Variants in ALCAM observed in about 807,000 individuals in gnomAD.
ALCAM encodes the protein CD166 antigen.
In ALCAM, 30 loss-of-function variants were observed where a neutral mutation model predicts 70.9. The ratio of observed to expected loss-of-function variants is 0.42; its 90% CI spans 0.32 to 0.57. The LOEUF (loss-of-function observed/expected upper bound fraction) is 0.57, where lower values mean the gene tolerates loss of function less well. Among genes scored for constraint, ALCAM ranks in the 20% least tolerant of loss-of-function variants. The pLI, the probability that ALCAM is intolerant of heterozygous loss-of-function variation, is 0.11. For synonymous variants in ALCAM, 249 were observed against 242.5 expected (o/e 1.03, Z -0.25); for missense variants, 591 against 695.1 (o/e 0.85, Z 1.68).
chr3:105,472,316 T>G (rs1937958072), intron 1 of ALCAM, among the ~76,000 whole-genome samples: 1 of 151,506 alleles, frequency 6.6e-6, no homozygotes, highest in South Asian at 2.1e-4. Flanking sequence ...TGAGAAGAAT[T>G]CATTTCCCTA....
At chr3:105,402,000 G>GA (rs1207686957) in intron 1 of ALCAM, among the ~76,000 whole-genome samples, 1 of 151,396 alleles carries the variant, frequency 6.6e-6, no homozygotes, top group East Asian at 2.0e-4. Flanking sequence ...AAACAGAGAA[G>GA]AAAAATAGCA....
At chr3:105,443,988 G>A (rs954466539) in intron 1 of ALCAM, among the ~76,000 whole-genome samples, 1 of 152,130 alleles carries the variant, frequency 6.6e-6, no homozygotes, top group African/African-American at 2.4e-5. Context: ...TATAAGTGCT[G>A]AACTTGTGTT....
intron 1 of ALCAM, among the ~76,000 whole-genome samples, chr3:105,514,220 C>G (rs1939321216): frequency 1.3e-5 from 2 of 151,924 alleles, no homozygotes; most frequent in Admixed American, 1.3e-4. Flanking sequence ...ACAAAGCACA[C>G]CTAAAACTTG....
At chr3:105,505,034 C>G (rs923117238) in intron 1 of ALCAM, among the ~76,000 whole-genome samples, 1 of 152,190 alleles carries the variant, frequency 6.6e-6, no homozygotes, top group Non-Finnish European at 1.5e-5. Flanking sequence ...AGTAGCAGAG[C>G]TGGATTCATC....
chr3:105,449,828 G>A (rs1188311494), intron 1 of ALCAM, among the ~76,000 whole-genome samples: 1 of 152,054 alleles, frequency 6.6e-6, no homozygotes, highest in Non-Finnish European at 1.5e-5. Flanking sequence ...AATAGAGGGG[G>A]AAAACCACCA....
At chr3:105,376,056 T>C (rs1003180502) in intron 1 of ALCAM, among the ~76,000 whole-genome samples, 8 of 152,108 alleles carry the variant, frequency 5.3e-5, no homozygotes, top group Non-Finnish European at 1.0e-4. Flanking sequence ...AGTTAAATTA[T>C]GGAAAGTTCA....
chr3:105,531,566 C>T (rs1486740399), intron 3 of ALCAM, among the ~76,000 whole-genome samples: 1 of 151,586 alleles, frequency 6.6e-6, no homozygotes, highest in Non-Finnish European at 1.5e-5. Context: ...CCAAATAGGG[C>T]TCAGAAATCT....
At position 105,547,530 on chromosome 3, in the gene ALCAM, ATT is replaced by A; in HGVS notation, c.1374+9_1374+10del. On this transcript the variant is annotated splice_region_variant and intron_variant, in intron 11 of 15. Transcript: ENST00000306107. ...TGGAAGCGTCATAAACCAAGCAAGT[ATT>A]TGTCTTCTTGTTATATGCTGCACTT... 6.2e-7 allele frequency: 1 copy of A among 1,605,352 alleles called. No homozygotes were observed.
chr3:105,493,570 G>A (rs897427235), intron 1 of ALCAM, among the ~76,000 whole-genome samples: 5 of 152,098 alleles, frequency 3.3e-5, no homozygotes, highest in African/African-American at 7.2e-5. Context: ...TGAGGAAGAC[G>A]TAGATACAGT....
At chr3:105,542,373 G>A (rs192894709) in intron 8 of ALCAM, among the ~76,000 whole-genome samples, 68 of 151,642 alleles carry the variant, frequency 4.5e-4, no homozygotes, top group Non-Finnish European at 4.6e-4. Flanking sequence ...TATTTGCCTC[G>A]GTGTAACAGA....
intron 1 of ALCAM, among the ~76,000 whole-genome samples, chr3:105,392,678 G>A (rs1935854150): frequency 6.6e-6 from 1 of 151,688 alleles, no homozygotes; most frequent in Middle Eastern, 3.4e-3. Context: ...TTAGGTTTAT[G>A]ATTTGAGATC....
chr3:105,401,734 C>A (rs1482248039), intron 1 of ALCAM, among the ~76,000 whole-genome samples: 1 of 151,944 alleles, frequency 6.6e-6, no homozygotes, highest in Non-Finnish European at 1.5e-5. Flanking sequence ...CTTTTAATGA[C>A]CCCGTCTTTC....
At chr3:105,572,326 ATGCAATGT>A (rs1165151674) in intron 15 of ALCAM, among the ~76,000 whole-genome samples, 2 of 152,036 alleles carry the variant, frequency 1.3e-5, no homozygotes, top group Admixed American at 1.3e-4. Context: ...GAGTGAAAAC[ATGCAATGT>A]TGAGTTTTCT....
intron 1 of ALCAM, among the ~76,000 whole-genome samples, chr3:105,482,544 C>G (rs554015406): frequency 6.6e-6 from 1 of 151,986 alleles, no homozygotes. Flanking sequence ...CATTTCAGAA[C>G]AAATAAATTA....
chr3:105,496,284 C>A (rs1332400805), intron 1 of ALCAM, among the ~76,000 whole-genome samples: 1 of 151,540 alleles, frequency 6.6e-6, no homozygotes, highest in Non-Finnish European at 1.5e-5. Context: ...CTTAATATAT[C>A]TTTGTTATAT....
intron 1 of ALCAM, among the ~76,000 whole-genome samples, chr3:105,427,259 G>A (rs73856584): frequency 1.4e-3 from 215 of 151,974 alleles, no homozygotes; most frequent in African/African-American, 4.9e-3. Flanking sequence ...TTTTAGGAAA[G>A]GACTCTCATT....
intron 1 of ALCAM, among the ~76,000 whole-genome samples, chr3:105,437,167 T>C (rs934911393): frequency 1.3e-5 from 2 of 152,210 alleles, no homozygotes; most frequent in African/African-American, 4.8e-5. Context: ...ATTCAAATAT[T>C]AGGTCTAAGA....
intron 14 of ALCAM, among the ~76,000 whole-genome samples, chr3:105,556,830 G>A (rs191010228): frequency 9.2e-5 from 14 of 152,146 alleles, no homozygotes; most frequent in Admixed American, 5.2e-4. Context: ...AAAAGATAGT[G>A]CTGGAGGACC....
At chr3:105,481,089 C>T (rs928605101) in intron 1 of ALCAM, among the ~76,000 whole-genome samples, 13 of 151,940 alleles carry the variant, frequency 8.6e-5, no homozygotes, top group Non-Finnish European at 1.8e-4. Context: ...TTTTTACTAG[C>T]ACTGTTTACA....
Sources: gnomAD v4.1 joint callset for allele counts (sites outside exome capture counted in the v4.1 genomes callset) on GRCh38, gnomAD v4.1.1 for gene constraint, MANE v1.5 for transcripts, NCBI Gene and HGNC (gene_info 2026-07-23, HGNC 2026-07-21) for gene names.